The following ABL1 variants were observed in gnomAD, a reference collection of about 807,000 sequenced individuals.
ABL1 encodes tyrosine-protein kinase ABL1.
In ABL1, 11 loss-of-function variants were observed where a neutral mutation model predicts 94.7. The ratio of observed to expected loss-of-function variants is 0.12; its 90% CI spans 0.07 to 0.19. ABL1 has a LOEUF of 0.19. ABL1 is among the 10% of genes least tolerant of loss of function. ABL1 has a pLI of 1.00. For missense variants in ABL1, 1,082 were observed against 1,489.4 expected (o/e 0.73, Z 4.50); for synonymous variants, 656 against 622.4 (o/e 1.05, Z -0.80).
At chr9:130,823,481 C>T (rs1022810284) in intron 1 of ABL1, among the ~76,000 whole-genome samples, 22 of 152,208 alleles carry the variant, frequency 1.4e-4, no homozygotes, top group African/African-American at 5.1e-4. Flanking sequence ...AGATGCTTCT[C>T]TCTGTAACAG....
At position 130,753,406 on chromosome 9, in the gene ABL1, TC is replaced by T. The variant is rs1378995331; in HGVS notation, c.136+38952del. On this transcript the variant is annotated intron_variant, in intron 1 of 10. Transcript: ENST00000372348. ...TTATACTTGCCTCTCTCTCATCTCT[TC>T]TTTTTTTTTCTTTTCTTTTTTTTTT... Among the ~76,000 whole-genome samples, 10 of 147,556 alleles carry T rather than the reference TC, an allele frequency of 6.8e-5. No individual in the cohort carries two copies. In the East Asian group the frequency reaches 2.0e-3, roughly 30 times the overall value.
intron 1 of ABL1, among the ~76,000 whole-genome samples, chr9:130,779,846 C>A (rs559602579): frequency 6.6e-6 from 1 of 152,104 alleles, no homozygotes; most frequent in Non-Finnish European, 1.5e-5. Flanking sequence ...AGGGATACTG[C>A]GGGCAAACCT....
At position 130,876,411 on chromosome 9, in the gene ABL1, C is replaced by CT. The variant is rs60634610; in HGVS notation, c.1270+1371dup. ...TTTTTAAAATAACAAATTACTTTTT[C>CT]TTTTTTTTTTTTGGAGCCAGAGTCT... On this transcript the variant is annotated intron_variant, in intron 7 of 10. Transcript: ENST00000318560. Among the ~76,000 whole-genome samples, 417 of 142,466 alleles carry CT rather than the reference C, an allele frequency of 2.9e-3. 2 individuals are homozygous for CT. Among genetic ancestry groups the CT allele is most frequent in the African/African-American group, 5.6e-3 (212 of 38,116 alleles). The allele number at this position is 142,466 out of a possible 152,430, so 93.5% of individuals were successfully genotyped here. A position where few individuals can be genotyped will look rare whatever the true frequency, so the allele number is the denominator to read the frequency against.
At chr9:130,776,736 G>A (rs945041893) in intron 1 of ABL1, among the ~76,000 whole-genome samples, 1 of 152,068 alleles carries the variant, frequency 6.6e-6, no homozygotes, top group Non-Finnish European at 1.5e-5. Flanking sequence ...GGGAGGTGCT[G>A]CTTAGAGGGG....
intron 10 of ABL1, among the ~76,000 whole-genome samples, chr9:130,881,439 A>T (rs1831451058): frequency 6.6e-6 from 1 of 152,230 alleles, no homozygotes; most frequent in South Asian, 2.1e-4. Context: ...GGGAGGCCTC[A>T]CAATCATGGC....
chr9:130,734,769 G>A (rs577760348), intron 1 of ABL1, among the ~76,000 whole-genome samples: 41 of 152,046 alleles, frequency 2.7e-4, no homozygotes, highest in African/African-American at 4.8e-4. Context: ...TGATCTACCC[G>A]CCTCAGCCTC....
At position 130,814,726 on chromosome 9, in the gene ABL1, A is replaced by T. The variant is rs1412181979; in HGVS notation, c.137-39338A>T. Among the ~76,000 whole-genome samples, 1 of 151,684 alleles carries T rather than the reference A, an allele frequency of 6.6e-6. No homozygotes were observed. The highest frequency in any genetic ancestry group is 2.4e-5 in the African/African-American group (1 of 41,274). ...CCCCGTCTCCACTAAAAATACAAAA[A>T]ATTCTCCGGGCGTGGTGGCGGGCGC... On this transcript the variant is annotated intron_variant, in intron 1 of 10. Coordinates refer to the ABL1 transcript ENST00000372348. This position sits in a 1 kb window ranked among gnomAD's most constrained non-coding sequence, Gnocchi z 4.4.
intron 4 of ABL1, among the ~76,000 whole-genome samples, chr9:130,865,575 T>C (rs182549372): frequency 6.6e-6 from 1 of 152,122 alleles, no homozygotes; most frequent in African/African-American, 2.4e-5. Flanking sequence ...GGCAAAACTC[T>C]GCCTCTACAA....
intron 1 of ABL1, among the ~76,000 whole-genome samples, chr9:130,786,080 C>G (rs1463658844): frequency 6.6e-6 from 1 of 152,072 alleles, no homozygotes; most frequent in Admixed American, 6.6e-5. Flanking sequence ...CACGCCACAC[C>G]ACACAGGCAC....
At chr9:130,874,139 A>G (rs1831302468) in intron 6 of ABL1, among the ~76,000 whole-genome samples, 1 of 152,176 alleles carries the variant, frequency 6.6e-6, no homozygotes. Context: ...TCACGCAGCC[A>G]TCACCTCAAG....
chr9:130,881,387 T>A (rs1445638181), intron 10 of ABL1, among the ~76,000 whole-genome samples: 1 of 152,096 alleles, frequency 6.6e-6, no homozygotes, highest in African/African-American at 2.4e-5. Context: ...GGGTAATTTA[T>A]AAAGGAAAGA....
At chr9:130,715,692 G>A (rs924829269) in intron 1 of ABL1, among the ~76,000 whole-genome samples, 2 of 152,204 alleles carry the variant, frequency 1.3e-5, no homozygotes. Context: ...GTGAAAATTG[G>A]AACAGACTTT....
chr9:130,846,669 C>A (rs568351636), intron 1 of ABL1, among the ~76,000 whole-genome samples: 7 of 152,270 alleles, frequency 4.6e-5, no homozygotes, highest in African/African-American at 1.7e-4. Context: ...GGAAGCTTCC[C>A]GGGGATGTTT....
chr9:130,774,269 C>T (rs1434676298), intron 1 of ABL1, among the ~76,000 whole-genome samples: 1 of 152,068 alleles, frequency 6.6e-6, no homozygotes, highest in Non-Finnish European at 1.5e-5. Flanking sequence ...TGCCTTTTTC[C>T]TGCAGTATGA....
chr9:130,790,631 AT>A (rs1002103602), intron 1 of ABL1, among the ~76,000 whole-genome samples: 20 of 148,130 alleles, frequency 1.4e-4, no homozygotes, highest in South Asian at 2.1e-4. Context: ...CACACCTAGT[AT>A]TTTTTTTTTA....
Position 130,835,347 on chromosome 9 carries a change from G to T in ABL1, c.-100G>T. ...GGCGGTGAGGGCGGCTGGCGGGGCCGGGGGCGCCGGGGGGGCGCGCGGGCC... is the reference window on the plus strand; with the variant it reads ...GGCGGTGAGGGCGGCTGGCGGGGCCTGGGGCGCCGGGGGGGCGCGCGGGCC... On this transcript the variant is annotated 5_prime_UTR_variant, in exon 1 of 11. Transcript: ENST00000318560. This position sits in a 1 kb window ranked among gnomAD's most constrained non-coding sequence, Gnocchi z 4.6. 1 of 381,420 alleles carries T rather than the reference G, an allele frequency of 2.6e-6. No individual in the cohort carries two copies. The highest frequency in any genetic ancestry group is 2.9e-6 in the Non-Finnish European group (1 of 346,458). The allele number at this position is 381,420 out of a possible 1,614,324, so 23.6% of individuals were successfully genotyped here.
intron 1 of ABL1, among the ~76,000 whole-genome samples, chr9:130,822,874 T>C (rs572382434): frequency 6.6e-6 from 1 of 152,022 alleles, no homozygotes; most frequent in African/African-American, 2.4e-5. Flanking sequence ...CTCAGCTCAC[T>C]ACAACCTCTG....
rs533781634 is a variant in ABL1 at position 130,789,229 on chromosome 9, TA to T, written c.137-64834del. Among the ~76,000 whole-genome samples the T allele has an allele frequency of 2.4e-3, 366 of 152,314 alleles. 1 individual carries two copies. Among genetic ancestry groups the T allele is most frequent in the Non-Finnish European group, 3.9e-3 (266 of 68,022 alleles). The stretch of plus-strand genomic sequence containing the variant: ...GAAAATGTACGGGGGAGAAGCACAT[TA>T]CACAGTATCAATCAGAAAGGAATAT... On this transcript the variant is annotated intron_variant, in intron 1 of 10. Transcript: ENST00000372348.
At position 130,781,694 on chromosome 9, in the gene ABL1, A is replaced by G. The variant is rs561152579; in HGVS notation, c.136+67239A>G. Among the ~76,000 whole-genome samples, 5 of 152,290 alleles carry G rather than the reference A, an allele frequency of 3.3e-5. No homozygotes were observed. In the South Asian group the frequency reaches 1.0e-3, roughly 32 times the overall value. Reference sequence around the variant, plus strand: ...AGATTTGCCAGCTGCATTATTATCTATTAGTGTGTACTAAAAGTATATTAT... The same window carrying G: ...AGATTTGCCAGCTGCATTATTATCTGTTAGTGTGTACTAAAAGTATATTAT... On this transcript the variant is annotated intron_variant, in intron 1 of 10. Coordinates refer to the ABL1 transcript ENST00000372348.
Sources: gnomAD v4.1 joint callset for allele counts (sites outside exome capture counted in the v4.1 genomes callset) on GRCh38, gnomAD v4.1.1 for gene constraint, Gnocchi (gnomAD v3.1) non-coding constraint, MANE v1.5 for transcripts, NCBI Gene and HGNC (gene_info 2026-07-23, HGNC 2026-07-21) for gene names.